Variants in PC observed in about 807,000 individuals in gnomAD.
PC encodes the protein pyruvate carboxylase, mitochondrial.
A neutral mutation model predicts 107.8 loss-of-function variants in PC; 46 were observed. The observed-to-expected ratio is 0.43, with a 90% confidence interval of 0.34 to 0.55. The LOEUF (loss-of-function observed/expected upper bound fraction) is 0.55, where lower values mean the gene tolerates loss of function less well. PC is among the 20% of genes least tolerant of loss of function. PC has a pLI of 0.04. For synonymous variants in PC, 662 were observed against 684.7 expected (o/e 0.97, Z 0.52); for missense variants, 1,241 against 1,643.1 (o/e 0.76, Z 4.23).
Position 66,902,030 on chromosome 11 carries a change from C to T in PC, c.1-29871G>A, listed in dbSNP as rs150551767. Among the ~76,000 whole-genome samples, 142 of 152,182 alleles carry T rather than the reference C, an allele frequency of 9.3e-4. 2 individuals are homozygous for T. Among genetic ancestry groups the T allele is most frequent in the African/African-American group, 3.2e-3 (131 of 41,510 alleles). On this transcript the variant is annotated intron_variant, in intron 3 of 22. Transcript: ENST00000393960. ...CAATGTGAAAGCCTGGTTCTCTGGG[C>T]GAACTGATTACCAAAGTACCCAGTC...
chr11:66,908,097 C>T (rs1948221790), intron 3 of PC, among the ~76,000 whole-genome samples: 1 of 151,630 alleles, frequency 6.6e-6, no homozygotes, highest in African/African-American at 2.4e-5. Flanking sequence ...TCAAAAGCCA[C>T]TGCTCACAAG....
chr11:66,860,165 C>T (rs373087757), intron 12 of PC: 56 of 1,547,430 alleles, frequency 3.6e-5, no homozygotes, highest in Middle Eastern at 1.7e-4. Flanking sequence ...TAGGAGGCAG[C>T]GCCGAGCGGC....
chr11:66,904,705 C>T (rs982329851), intron 3 of PC, among the ~76,000 whole-genome samples: 1 of 152,310 alleles, frequency 6.6e-6, no homozygotes, highest in African/African-American at 2.4e-5. Flanking sequence ...AAATAAGGAA[C>T]TGTATGACTA....
At chr11:66,849,528 G>A in intron 21 of PC, 83 bp downstream of exon 21, 1 of 1,611,268 alleles carries the variant, frequency 6.2e-7, no homozygotes, top group Non-Finnish European at 8.5e-7. Flanking sequence ...AAGCTTGCGA[G>A]GCTGGGTGAC....
At chr11:66,908,129 GC>G in intron 3 of PC, among the ~76,000 whole-genome samples, 1 of 152,098 alleles carries the variant, frequency 6.6e-6, no homozygotes, top group African/African-American at 2.4e-5. Context: ...AGATGAAAGG[GC>G]AGTGGTGTTC....
chr11:66,860,820 G>A (rs949930067), intron 12 of PC, among the ~76,000 whole-genome samples: 1 of 152,238 alleles, frequency 6.6e-6, no homozygotes, highest in Non-Finnish European at 1.5e-5. Context: ...CAGGGTCTGC[G>A]GGGCGGACAC....
chr11:66,897,710 C>G (rs1947807688), intron 3 of PC, among the ~76,000 whole-genome samples: 1 of 152,224 alleles, frequency 6.6e-6, no homozygotes, highest in South Asian at 2.1e-4. Context: ...AGGGACCCTC[C>G]TCCTGGCCTG....
chr11:66,851,384 T>C (rs768093866), intron 16 of PC, 104 bp from the exon 17 acceptor site: 813 of 1,512,484 alleles, frequency 5.4e-4, no homozygotes, highest in Non-Finnish European at 6.6e-4. Context: ...GGGAATGAGA[T>C]CTGAGGGTCT....
chr11:66,948,230 G>A (rs554075423), intron 3 of PC, among the ~76,000 whole-genome samples: 1 of 151,194 alleles, frequency 6.6e-6, no homozygotes, highest in South Asian at 2.1e-4. Flanking sequence ...AGAAGGAAAT[G>A]AACTATCAAT....
At chr11:66,878,315 G>T (rs1211981905) in intron 3 of PC, among the ~76,000 whole-genome samples, 1 of 152,222 alleles carries the variant, frequency 6.6e-6, no homozygotes, top group Non-Finnish European at 1.5e-5. Context: ...CTTACCCGTG[G>T]TTTGTGGGTA....
intron 3 of PC, among the ~76,000 whole-genome samples, chr11:66,943,102 A>C (rs1407636257): frequency 6.6e-6 from 1 of 152,094 alleles, no homozygotes; most frequent in Non-Finnish European, 1.5e-5. Context: ...TGTTCAACCT[A>C]ACTCCCAATG....
chr11:66,878,815 GAA>G (rs1190340430), intron 3 of PC, among the ~76,000 whole-genome samples: 1 of 152,236 alleles, frequency 6.6e-6, no homozygotes, highest in Non-Finnish European at 1.5e-5. Context: ...CTCTTCGGCT[GAA>G]GTCAGAGCAG....
chr11:66,926,786 T>C (rs1948726404), intron 3 of PC, among the ~76,000 whole-genome samples: 1 of 148,732 alleles, frequency 6.7e-6, no homozygotes, highest in Non-Finnish European at 1.5e-5. Context: ...ATTCTGGATA[T>C]TTCCTAGAAA....
chr11:66,858,292 C>A lies in PC; in HGVS notation c.1369-4909G>T. ...AACCTGGACCATAACCTTATTGACG[C>A]ACTGCCCCCAGGCGCCTTCGCCCAG... is the stretch of plus-strand genomic sequence containing the variant. On this transcript the variant is annotated intron_variant, in intron 12 of 22. Transcript: ENST00000393960. This position sits in a 1 kb window ranked among gnomAD's most constrained non-coding sequence, Gnocchi z 5.9. 1 of 1,611,472 alleles carries A rather than the reference C, an allele frequency of 6.2e-7. No individual in the cohort carries two copies. Among genetic ancestry groups the A allele is most frequent in the South Asian group, 1.1e-5 (1 of 91,088 alleles).
At chr11:66,874,008 G>A (rs1424496104) in intron 3 of PC, among the ~76,000 whole-genome samples, 1 of 151,310 alleles carries the variant, frequency 6.6e-6, no homozygotes, top group Non-Finnish European at 1.5e-5. Flanking sequence ...CACCCAGGCT[G>A]GAGCGCAATG....
rs1565212112 is a variant in PC at position 66,850,916 on chromosome 11, G to A, written c.2231C>T (p.Ala744Val). The A allele has an allele frequency of 1.9e-6, 3 of 1,608,812 alleles. No homozygotes were observed. The highest frequency in any genetic ancestry group is 2.2e-5 in the South Asian group (2 of 91,088). ...GTHILCIKDM[A>V]GLLKPTACTM... ...GCAGGCCGTGGGCTTCAGCAGCCCGGCCATGTCCTGGGGGAAGTGGGAGAG... is the reference window on the plus strand; with the variant it reads ...GCAGGCCGTGGGCTTCAGCAGCCCGACCATGTCCTGGGGGAAGTGGGAGAG... Residue 744 changes from alanine (A) to valine (V), a missense_variant, in exon 18 of 23, where the codon GCC becomes GTC. Physicochemically the swap from Ala to Val is moderately conservative, Grantham distance 64. Transcript: ENST00000393960.
At chr11:66,884,760 TA>T (rs1405051402) in intron 3 of PC, among the ~76,000 whole-genome samples, 1 of 152,168 alleles carries the variant, frequency 6.6e-6, no homozygotes, top group African/African-American at 2.4e-5. Flanking sequence ...ATTTTGTCAC[TA>T]AAGCCCAAAA....
Position 66,887,252 on chromosome 11 carries a change from C to G in PC, c.1-15093G>C, listed in dbSNP as rs1947403886. Among the ~76,000 whole-genome samples the G allele has an allele frequency of 4.6e-5, 7 of 152,210 alleles. No homozygotes were observed. In the South Asian group the frequency reaches 1.5e-3, roughly 32 times the overall value. ...CAGACTTGCCAATGGGTGTTGGTGT[C>G]TCATTTTTCAGTGTGAACGGTCAGC... On this transcript the variant is annotated intron_variant, in intron 3 of 22. Coordinates refer to ENST00000393960, the MANE Select transcript of PC (RefSeq NM_001040716.2).
chr11:66,893,513 T>C (rs927990693), intron 3 of PC, among the ~76,000 whole-genome samples: 1 of 152,214 alleles, frequency 6.6e-6, no homozygotes, highest in African/African-American at 2.4e-5. Flanking sequence ...AGACAGGCAC[T>C]CTATCAATGT....
Sources: allele counts gnomAD v4.1 joint callset (sites outside exome capture counted in the v4.1 genomes callset), GRCh38; gene constraint gnomAD v4.1.1; non-coding constraint Gnocchi (gnomAD v3.1); transcripts MANE v1.5; gene names NCBI Gene and HGNC (gene_info 2026-07-23, HGNC 2026-07-21).